Variants in LRRC4C observed in about 807,000 individuals in gnomAD.
LRRC4C encodes leucine-rich repeat-containing protein 4C.
Under a neutral mutation model 33.6 loss-of-function variants are expected in LRRC4C, and 5 were observed. That is an observed-to-expected ratio of 0.15 (90% CI 0.08 to 0.31). The LOEUF (loss-of-function observed/expected upper bound fraction) is 0.31. Among genes scored for constraint, LRRC4C ranks in the 10% least tolerant of loss-of-function variants. LRRC4C has a pLI of 1.00. For missense variants in LRRC4C, 560 were observed against 796.7 expected, an observed-to-expected ratio of 0.70 and a Z score of 3.58; for synonymous variants, 329 against 302.0, an observed-to-expected ratio of 1.09 and a Z score of -0.93.
rs545635248 is a variant in LRRC4C, at chr11:40,398,985, C to G, written c.-269-79264G>C. 5.9e-5 allele frequency among the ~76,000 whole-genome samples: 9 copies of G among 152,202 alleles called. 1 individual carries two copies. In the South Asian group the frequency reaches 1.9e-3, roughly 32 times the overall value. ...CTCTTTTAGATAACCCTCTAATTAA[C>G]ATACTGGTGAACAAAGGTTTTGTTC... On this transcript the variant is annotated intron_variant, in intron 3 of 6. Transcript: ENST00000528697.
intron 2 of LRRC4C, among the ~76,000 whole-genome samples, chr11:40,735,647 T>G (rs75051927): frequency 0.59 from 60,900 of 103,846 alleles, 19,307 homozygotes; most frequent in Middle Eastern, 0.66. Flanking sequence ...ATAGCAGCAT[T>G]ATTTATAGTC....
At chr11:40,605,987 A>C (rs1025086335) in intron 3 of LRRC4C, among the ~76,000 whole-genome samples, 1 of 152,154 alleles carries the variant, frequency 6.6e-6, no homozygotes, top group African/African-American at 2.4e-5. Flanking sequence ...GGGGGCTGCT[A>C]AGAACAGAAA....
At chr11:41,339,616 A>G (rs1330286946) in intron 1 of LRRC4C, among the ~76,000 whole-genome samples, 1 of 152,214 alleles carries the variant, frequency 6.6e-6, no homozygotes, top group African/African-American at 2.4e-5. Flanking sequence ...GGTGAGACGG[A>G]GATCTTAAAA....
chr11:40,834,835 G>T (rs1952589030), intron 2 of LRRC4C, among the ~76,000 whole-genome samples: 1 of 150,180 alleles, frequency 6.7e-6, no homozygotes, highest in African/African-American at 2.4e-5. Context: ...TGAATTTTTG[G>T]GTAGGACTGA....
chr11:40,655,035 T>A (rs974637424), intron 2 of LRRC4C, among the ~76,000 whole-genome samples: 1 of 152,192 alleles, frequency 6.6e-6, no homozygotes, highest in Non-Finnish European at 1.5e-5. Context: ...TCCCCAGCCA[T>A]GCAGAAATGT....
intron 1 of LRRC4C, among the ~76,000 whole-genome samples, chr11:41,164,215 T>G (rs10837591): frequency 0.042 from 6,401 of 151,060 alleles, 162 homozygotes; most frequent in East Asian, 0.07. Context: ...TACTTTAAAA[T>G]TTTTTCTTAA....
At chr11:40,900,836 T>C (rs1956165956) in intron 2 of LRRC4C, among the ~76,000 whole-genome samples, 1 of 152,032 alleles carries the variant, frequency 6.6e-6, no homozygotes, top group Non-Finnish European at 1.5e-5. Flanking sequence ...TAAATATCTG[T>C]GAGGTTAATT....
chr11:40,797,879 T>A (rs1258830044), intron 2 of LRRC4C, among the ~76,000 whole-genome samples: 1 of 152,204 alleles, frequency 6.6e-6, no homozygotes, highest in Admixed American at 6.5e-5. Flanking sequence ...CCACACTCCA[T>A]CTACATGACA....
chr11:40,526,541 C>A (rs1458421392), intron 3 of LRRC4C, among the ~76,000 whole-genome samples: 1 of 152,000 alleles, frequency 6.6e-6, no homozygotes, highest in East Asian at 1.9e-4. Context: ...TACTGCAGAG[C>A]CACTGTTAAA....
chr11:41,156,860 T>C (rs948370641), intron 1 of LRRC4C, among the ~76,000 whole-genome samples: 2 of 152,012 alleles, frequency 1.3e-5, no homozygotes, highest in African/African-American at 4.8e-5. Flanking sequence ...TTTTGTCCCC[T>C]TTAAAACTCA....
intron 3 of LRRC4C, among the ~76,000 whole-genome samples, chr11:40,415,797 G>T (rs780882743): frequency 5.3e-5 from 8 of 152,076 alleles, no homozygotes; most frequent in Non-Finnish European, 1.2e-4. Context: ...AATCAGTAAG[G>T]CTGAAAGTAG....
chr11:40,642,643 C>T (rs1193874111), intron 3 of LRRC4C, among the ~76,000 whole-genome samples: 1 of 151,988 alleles, frequency 6.6e-6, no homozygotes, highest in Non-Finnish European at 1.5e-5. Flanking sequence ...ATTTATGGTC[C>T]CCTCAGCACC....
At chr11:41,009,232 CAT>C (rs1300184709) in intron 1 of LRRC4C, among the ~76,000 whole-genome samples, 2 of 151,362 alleles carry the variant, frequency 1.3e-5, no homozygotes, top group Non-Finnish European at 2.9e-5. Flanking sequence ...ATGTTTAAAA[CAT>C]ATATATTTTG....
intron 3 of LRRC4C, among the ~76,000 whole-genome samples, chr11:40,459,856 G>A (rs939513156): frequency 8.5e-5 from 13 of 152,238 alleles, no homozygotes; most frequent in African/African-American, 2.2e-4. Flanking sequence ...CTACCTTTTC[G>A]CCCCTCAAGT....
chr11:41,337,604 T>C (rs990686238), intron 1 of LRRC4C, among the ~76,000 whole-genome samples: 4 of 152,012 alleles, frequency 2.6e-5, no homozygotes, highest in African/African-American at 9.7e-5. Context: ...ACCTAGGCAA[T>C]ACCATTCAGG....
intron 1 of LRRC4C, among the ~76,000 whole-genome samples, chr11:41,343,985 A>G (rs1003245531): frequency 1.3e-4 from 20 of 152,182 alleles, no homozygotes; most frequent in African/African-American, 4.6e-4. Context: ...AGCACATTTA[A>G]TAGTCATTCT....
intron 2 of LRRC4C, among the ~76,000 whole-genome samples, chr11:40,715,313 C>T (rs1426444508): frequency 6.6e-6 from 1 of 152,108 alleles, no homozygotes; most frequent in Non-Finnish European, 1.5e-5. Flanking sequence ...CACTAGTAAT[C>T]AGGAAATTCA....
At chr11:40,123,730 A>G (rs1855998533) in intron 6 of LRRC4C, among the ~76,000 whole-genome samples, 1 of 152,040 alleles carries the variant, frequency 6.6e-6, no homozygotes, top group Non-Finnish European at 1.5e-5. Context: ...CAGAAATAGA[A>G]AAAAAAATCT....
intron 3 of LRRC4C, among the ~76,000 whole-genome samples, chr11:40,376,437 A>G (rs1278010309): frequency 1.3e-5 from 2 of 152,162 alleles, no homozygotes; most frequent in Non-Finnish European, 2.9e-5. Context: ...AGTGCGAGAA[A>G]ACTTGAGAAA....
Sources: gnomAD v4.1 joint callset for allele counts (sites outside exome capture counted in the v4.1 genomes callset) on GRCh38, gnomAD v4.1.1 for gene constraint, MANE v1.5 for transcripts, NCBI Gene and HGNC (gene_info 2026-07-23, HGNC 2026-07-21) for gene names.